Variants in PCNX2 observed in about 807,000 individuals in gnomAD.
PCNX2 encodes pecanex-like protein 2.
In PCNX2, 168 loss-of-function variants were observed where a neutral mutation model predicts 223.8. That is an observed-to-expected ratio of 0.75 (90% CI 0.66 to 0.85). The LOEUF is 0.85. Ranked by LOEUF, PCNX2 falls within the 40% of genes least tolerant of loss-of-function variation. PCNX2 has a pLI of 0.00. For missense variants in PCNX2, 2,507 were observed against 2,675.5 expected (o/e 0.94, Z 1.39); for synonymous variants, 1,006 against 1,052.6 (o/e 0.96, Z 0.86).
intron 1 of PCNX2, among the ~76,000 whole-genome samples, chr1:233,286,897 C>A (rs1661481175): frequency 6.6e-6 from 1 of 152,160 alleles, no homozygotes; most frequent in Non-Finnish European, 1.5e-5. Flanking sequence ...TCCCTTCCTA[C>A]CTGGAAATGA....
At chr1:233,048,981 A>G (rs1327359404) in intron 25 of PCNX2, among the ~76,000 whole-genome samples, 2 of 152,272 alleles carry the variant, frequency 1.3e-5, no homozygotes, top group South Asian at 4.1e-4. Flanking sequence ...CCCTAAACAG[A>G]CCAATATTGA....
intron 21 of PCNX2, among the ~76,000 whole-genome samples, chr1:233,133,733 G>A (rs954312865): frequency 1.3e-5 from 2 of 152,152 alleles, no homozygotes; most frequent in Non-Finnish European, 2.9e-5. Context: ...GGTGGTGCAT[G>A]CCTGTGGTCC....
intron 19 of PCNX2, among the ~76,000 whole-genome samples, chr1:233,147,448 G>A (rs533275215): frequency 5.3e-5 from 8 of 152,154 alleles, no homozygotes; most frequent in Admixed American, 3.3e-4. Flanking sequence ...TCATCTTCAC[G>A]TTGAGTAGGC....
chr1:233,300,662 C>T (rs1458816584), upstream of PCNX2, among the ~76,000 whole-genome samples: 1 of 152,176 alleles, frequency 6.6e-6, no homozygotes, highest in Non-Finnish European at 1.5e-5. Context: ...ATCCCCCTGT[C>T]AATTACAACT....
intron 21 of PCNX2, among the ~76,000 whole-genome samples, chr1:233,098,131 C>A (rs1674285136): frequency 6.6e-6 from 1 of 152,242 alleles, no homozygotes; most frequent in Admixed American, 6.5e-5. Context: ...TGATGTATTG[C>A]CCCCAAATGC....
intron 17 of PCNX2, among the ~76,000 whole-genome samples, chr1:233,172,219 T>G (rs1679195442): frequency 6.6e-6 from 1 of 152,186 alleles, no homozygotes; most frequent in African/African-American, 2.4e-5. Flanking sequence ...TATTTCCAAG[T>G]TTAGGTTAAA....
At chr1:233,212,839 C>G (rs1328075486) in intron 12 of PCNX2, among the ~76,000 whole-genome samples, 1 of 152,190 alleles carries the variant, frequency 6.6e-6, no homozygotes, top group African/African-American at 2.4e-5. Context: ...AGTTGACCTT[C>G]TTATTTCTTA....
Position 233,016,956 on chromosome 1 carries a change from C to T in PCNX2, c.4804G>A (p.Glu1602Lys), listed in dbSNP as rs761569730. The T allele has an allele frequency of 5.6e-5, 90 of 1,613,144 alleles. No homozygotes were observed. Among genetic ancestry groups the T allele is most frequent in the Non-Finnish European group, 7.2e-5 (85 of 1,179,232 alleles). The change falls in exon 27 of 34, where the codon GAA becomes AAA. Residue 1602 changes from glutamate to lysine, a missense_variant. Physicochemically the swap from Glu to Lys is moderately conservative, Grantham distance 56. Coordinates refer to ENST00000258229, the MANE Select transcript of PCNX2 (RefSeq NM_014801.4). Reference sequence around the variant, plus strand: ...TTCCGTGCACAGTGTTGAATCCATTCTAGATAAACATTGCAGAAGCTAGCT... The same window carrying T: ...TTCCGTGCACAGTGTTGAATCCATTTTAGATAAACATTGCAGAAGCTAGCT... ...TRASFCNVYL[E>K]WIQHCARKRQ...
chr1:233,311,924 C>T, the PCNX2 span, among the ~76,000 whole-genome samples: 4 of 152,006 alleles, frequency 2.6e-5, no homozygotes, highest in East Asian at 5.8e-4. Flanking sequence ...GTCAGGAGTT[C>T]GAGACCAGCC....
chr1:233,047,594 G>A (rs1671863739), intron 25 of PCNX2: 1 of 158,602 alleles, frequency 6.3e-6, no homozygotes, highest in African/African-American at 2.4e-5. Context: ...ACCAACAACA[G>A]TAAAACAGGA....
intron 9 of PCNX2, chr1:233,232,699 T>G: frequency 1.6e-6 from 1 of 611,904 alleles, no homozygotes; most frequent in Non-Finnish European, 2.0e-6. Flanking sequence ...AATATTCTTA[T>G]GAGTTCTTGT....
the PCNX2 span, among the ~76,000 whole-genome samples, chr1:233,317,216 C>G: frequency 6.6e-6 from 1 of 152,094 alleles, no homozygotes; most frequent in Admixed American, 6.5e-5. Context: ...GAGTTCAAAA[C>G]CAGCCTGGCC....
intron 30 of PCNX2, chr1:232,999,646 G>T: frequency 2.7e-6 from 1 of 363,898 alleles, no homozygotes; most frequent in South Asian, 3.0e-5. Context: ...TAGAGACGGG[G>T]TTTCTCCGTG....
In PCNX2 at chr1:233,281,991, T is replaced by C. The variant is rs529863203; in HGVS notation, c.153+13335A>G. Reference sequence around the variant, plus strand: ...TGACTCCAAACCTCTCTCCAGATAGTGTGCCCTTTTTCTGCTCCCTGCTTG... The same window carrying C: ...TGACTCCAAACCTCTCTCCAGATAGCGTGCCCTTTTTCTGCTCCCTGCTTG... On this transcript the variant is annotated intron_variant, in intron 1 of 33. Coordinates refer to ENST00000258229, the MANE Select transcript of PCNX2 (RefSeq NM_014801.4). 6.6e-5 allele frequency among the ~76,000 whole-genome samples: 10 copies of C among 152,242 alleles called. No individual in the cohort carries two copies. In the South Asian group the frequency reaches 2.1e-3, roughly 32 times the overall value.
intron 17 of PCNX2, among the ~76,000 whole-genome samples, chr1:233,166,711 T>C (rs1191126265): frequency 1.3e-5 from 2 of 152,180 alleles, no homozygotes; most frequent in East Asian, 3.8e-4. Context: ...AAGGAAACAG[T>C]TGTTTTTCCC....
rs76014586 is a variant in PCNX2 at position 233,236,488 on chromosome 1, A to T, written c.2358+357T>A. Among the ~76,000 whole-genome samples the T allele has an allele frequency of 2.0e-4, 26 of 126,980 alleles. No homozygotes were observed. In the East Asian group the frequency reaches 4.2e-3, roughly 21 times the overall value. The allele number at this position is 126,980 out of a possible 152,430, so 83.3% of individuals were successfully genotyped here. A position where few individuals can be genotyped will look rare whatever the true frequency, so the allele number is the denominator to read the frequency against. ...TTAATATACAAGGCAATAATACATT[A>T]AAAAAAAAAAGATACTTTCCAAACC... On this transcript the variant is annotated intron_variant, in intron 9 of 33. Coordinates refer to ENST00000258229, the MANE Select transcript of PCNX2 (RefSeq NM_014801.4).
chr1:233,106,941 A>G (rs1011477091), intron 21 of PCNX2, among the ~76,000 whole-genome samples: 7 of 151,968 alleles, frequency 4.6e-5, no homozygotes, highest in South Asian at 2.1e-4. Context: ...TCAGGTAGTG[A>G]TTTTTCCATA....
chr1:233,122,526 T>A (rs527878729), intron 21 of PCNX2, among the ~76,000 whole-genome samples: 1 of 99,822 alleles, frequency 1.0e-5, no homozygotes, highest in Non-Finnish European at 1.8e-5. Context: ...ATATTATATA[T>A]CTTTTTTTTT....
the PCNX2 span, among the ~76,000 whole-genome samples, chr1:233,304,634 A>G: frequency 6.6e-6 from 1 of 152,216 alleles, no homozygotes; most frequent in Non-Finnish European, 1.5e-5. Flanking sequence ...GGATGGGCAG[A>G]GGAGAAAGGG....
Sources: allele counts gnomAD v4.1 joint callset (sites outside exome capture counted in the v4.1 genomes callset), GRCh38; gene constraint gnomAD v4.1.1; transcripts MANE v1.5; gene names NCBI Gene and HGNC (gene_info 2026-07-23, HGNC 2026-07-21).